The following ARHGAP26 variants were observed in gnomAD, a reference collection of about 807,000 sequenced individuals.
ARHGAP26 encodes Rho GTPase activating protein 26.
A neutral mutation model predicts 104.8 loss-of-function variants in ARHGAP26; 38 were observed. The ratio of observed to expected loss-of-function variants is 0.36; its 90% CI spans 0.28 to 0.48. ARHGAP26 has a LOEUF of 0.48. Among genes scored for constraint, ARHGAP26 ranks in the 20% least tolerant of loss-of-function variants. ARHGAP26 has a pLI of 0.99. For synonymous variants in ARHGAP26, 341 were observed against 340.0 expected (o/e 1.00, Z -0.03); for missense variants, 704 against 947.9 (o/e 0.74, Z 3.38).
At chr5:143,170,803 G>A (rs1012635184) in intron 20 of ARHGAP26, 5 of 152,164 alleles carry the variant, frequency 3.3e-5, no homozygotes, top group African/African-American at 9.7e-5. Context: ...TTGCTTCTGC[G>A]GGCAATGGTT....
intron 20 of ARHGAP26, among the ~76,000 whole-genome samples, chr5:143,177,315 A>G (rs112210647): frequency 0.029 from 4,355 of 152,240 alleles, 215 homozygotes; most frequent in African/African-American, 0.098. Flanking sequence ...GTGCTTGTCA[A>G]ATGAAGGAAT....
chr5:142,904,721 C>T (rs963673870), intron 8 of ARHGAP26, among the ~76,000 whole-genome samples: 4 of 152,092 alleles, frequency 2.6e-5, no homozygotes, highest in Admixed American at 1.3e-4. Context: ...ATGCTAGGAA[C>T]GAAAGAAAGT....
intron 11 of ARHGAP26, among the ~76,000 whole-genome samples, chr5:142,984,938 C>T (rs1010737851): frequency 6.6e-6 from 1 of 151,514 alleles, no homozygotes; most frequent in Non-Finnish European, 1.5e-5. Flanking sequence ...AAAAAGCGGT[C>T]AGACAGCCTT....
At chr5:142,977,842 C>T (rs559999382) in intron 11 of ARHGAP26, among the ~76,000 whole-genome samples, 21 of 152,322 alleles carry the variant, frequency 1.4e-4, no homozygotes, top group East Asian at 9.7e-4. Flanking sequence ...CACAGTTCAG[C>T]GAGCTCTGGT....
chr5:143,118,136 A>T (rs1398536045), intron 17 of ARHGAP26, among the ~76,000 whole-genome samples: 5 of 152,208 alleles, frequency 3.3e-5, no homozygotes, highest in Non-Finnish European at 1.5e-5. Context: ...TTGCATATTA[A>T]CAGTTTGCCA....
intron 1 of ARHGAP26, among the ~76,000 whole-genome samples, chr5:142,854,673 C>T (rs1319896672): frequency 1.3e-5 from 2 of 152,148 alleles, no homozygotes; most frequent in East Asian, 1.9e-4. Flanking sequence ...GAAAGGTCTC[C>T]TAGGATCTGA....
chr5:143,094,584 C>T (rs1028519404), intron 17 of ARHGAP26, among the ~76,000 whole-genome samples: 1 of 152,208 alleles, frequency 6.6e-6, no homozygotes, highest in African/African-American at 2.4e-5. Flanking sequence ...CTCAGCAAGG[C>T]ATGGTACCTC....
intron 1 of ARHGAP26, among the ~76,000 whole-genome samples, chr5:142,797,583 T>C (rs970438509): frequency 6.6e-6 from 1 of 152,218 alleles, no homozygotes; most frequent in Admixed American, 6.5e-5. Context: ...TTTGTTGTGT[T>C]GACTTGGCAA....
intron 1 of ARHGAP26, among the ~76,000 whole-genome samples, chr5:142,806,963 C>T (rs548159539): frequency 6.6e-6 from 1 of 152,344 alleles, no homozygotes; most frequent in African/African-American, 2.4e-5. Flanking sequence ...AACAGCAGCA[C>T]TGGATCCAAA....
chr5:143,012,576 T>TATATATATATG (rs1554195628), intron 11 of ARHGAP26, among the ~76,000 whole-genome samples: 3 of 57,036 alleles, frequency 5.3e-5, no homozygotes, highest in Non-Finnish European at 1.6e-4. Flanking sequence ...TATATATATA[T>TATATATATATG]TATGATCAGG....
chr5:142,899,938 C>G lies in ARHGAP26; in HGVS notation c.598-1997C>G, dbSNP rs559544580. On this transcript the variant is annotated intron_variant, in intron 6 of 22. Coordinates refer to ENST00000645722, the MANE Select transcript of ARHGAP26 (RefSeq NM_001135608.3). ...GAGCTGTTTGAGAATATTTAATTAC[C>G]CCGAGCAAGAGAGGCTCTGTTTACT... 3.9e-5 allele frequency among the ~76,000 whole-genome samples: 6 copies of G among 152,298 alleles called. No homozygotes were observed. In the East Asian group the frequency reaches 9.6e-4, roughly 24 times the overall value.
intron 17 of ARHGAP26, among the ~76,000 whole-genome samples, chr5:143,119,343 C>T (rs1296967756): frequency 6.6e-6 from 1 of 152,172 alleles, no homozygotes; most frequent in Non-Finnish European, 1.5e-5. Context: ...AGTTTAATGA[C>T]TTAGCTCTTT....
intron 1 of ARHGAP26, among the ~76,000 whole-genome samples, chr5:142,782,594 C>T (rs1457732853): frequency 2.0e-5 from 3 of 152,142 alleles, no homozygotes; most frequent in Admixed American, 6.5e-5. Flanking sequence ...GGAGCATCCA[C>T]ATTTAGCAGG....
intron 17 of ARHGAP26, among the ~76,000 whole-genome samples, chr5:143,110,173 C>T (rs986022254): frequency 1.8e-4 from 28 of 152,218 alleles, no homozygotes; most frequent in Non-Finnish European, 3.1e-4. Flanking sequence ...TCTATACTCC[C>T]CATCCCTTTC....
chr5:142,787,639 G>A (rs1055607301), intron 1 of ARHGAP26, among the ~76,000 whole-genome samples: 7 of 152,056 alleles, frequency 4.6e-5, no homozygotes, highest in African/African-American at 1.7e-4. Context: ...CTGACTTTCT[G>A]TCTACATAGG....
intron 14 of ARHGAP26, among the ~76,000 whole-genome samples, chr5:143,050,934 C>A (rs1784923009): frequency 6.6e-6 from 1 of 152,212 alleles, no homozygotes. Context: ...TTCAGGCAGG[C>A]TCTCCTAAGA....
intron 12 of ARHGAP26, among the ~76,000 whole-genome samples, chr5:143,034,729 G>A (rs1366880703): frequency 1.3e-5 from 2 of 151,770 alleles, no homozygotes; most frequent in South Asian, 2.1e-4. Context: ...TAAACTTATG[G>A]TATATGAAGT....
rs1243726972 is a variant in ARHGAP26, at chr5:142,770,684, C to T, written c.-78C>T. On this transcript the variant is annotated 5_prime_UTR_variant, in exon 1 of 23. Transcript: ENST00000645722. Reference sequence around the variant, plus strand: ...CCGTCGGGGGAGCCGGCCGGGGTCCCGCCGCGTGAGTGCTCTGGGCGGCGG... The same window carrying T: ...CCGTCGGGGGAGCCGGCCGGGGTCCTGCCGCGTGAGTGCTCTGGGCGGCGG... 14 of 1,022,030 alleles carry T rather than the reference C, an allele frequency of 1.4e-5. No homozygotes were observed. The East Asian group carries it at 7.3e-4, about 53-fold the overall frequency. 63.3% of individuals were successfully genotyped at this position (1,022,030 alleles called of 1,614,324 possible). A position where few individuals can be genotyped will look rare whatever the true frequency, so the allele number is the denominator to read the frequency against.
At chr5:143,117,392 A>C (rs566610866) in intron 17 of ARHGAP26, among the ~76,000 whole-genome samples, 1 of 152,314 alleles carries the variant, frequency 6.6e-6, no homozygotes, top group African/African-American at 2.4e-5. Flanking sequence ...TCCGGGATAC[A>C]TAGAGATCTC....
Sources: gnomAD v4.1 joint callset for allele counts (sites outside exome capture counted in the v4.1 genomes callset) on GRCh38, gnomAD v4.1.1 for gene constraint, MANE v1.5 for transcripts, NCBI Gene and HGNC (gene_info 2026-07-23, HGNC 2026-07-21) for gene names.